Variants in SLC2A14 observed in about 807,000 individuals in gnomAD.
The protein encoded by SLC2A14 is solute carrier family 2 member 14, also known as solute carrier family 2, facilitated glucose transporter member 14.
A neutral mutation model predicts 43.0 loss-of-function variants in SLC2A14; 13 were observed. The observed-to-expected ratio is 0.30, with a 90% confidence interval of 0.20 to 0.48. The LOEUF is 0.48. Ranked by LOEUF, SLC2A14 falls within the 20% of genes least tolerant of loss-of-function variation. The pLI is 0.99. For synonymous variants in SLC2A14, 190 were observed against 233.8 expected (o/e 0.81, Z 1.71); for missense variants, 428 against 620.4 (o/e 0.69, Z 3.29).
At chr12:7,848,556 A>C (rs1866653462) in intron 2 of SLC2A14, among the ~76,000 whole-genome samples, 3 of 135,722 alleles carry the variant, frequency 2.2e-5, no homozygotes, top group East Asian at 2.1e-4. Context: ...TTCCAATTCC[A>C]TTTTTTTTTT....
chr12:7,842,546 T>C (rs1403247163), intron 2 of SLC2A14, among the ~76,000 whole-genome samples: 1 of 152,146 alleles, frequency 6.6e-6, no homozygotes, highest in East Asian at 1.9e-4. Flanking sequence ...GACAGTTCTT[T>C]GAGTTCCTTA....
upstream of SLC2A14, chr12:7,873,168 C>T (rs1945335630): frequency 2.0e-6 from 2 of 985,750 alleles, no homozygotes; most frequent in Non-Finnish European, 2.4e-6. Flanking sequence ...GGCGGGGGAA[C>T]TCTTTACGGG....
At chr12:7,852,253 A>G (rs113059747) in intron 2 of SLC2A14, among the ~76,000 whole-genome samples, 2 of 152,190 alleles carry the variant, frequency 1.3e-5, no homozygotes, top group African/African-American at 4.8e-5. Flanking sequence ...ATTTTTCTTT[A>G]AATAACAGTA....
chr12:7,888,838 T>C (rs1016728415), intron 1 of SLC2A14, among the ~76,000 whole-genome samples: 4 of 147,498 alleles, frequency 2.7e-5, no homozygotes, highest in Admixed American at 6.8e-5. Flanking sequence ...ATCAGGAGAA[T>C]ATAGACTAAT....
At chr12:7,837,035 C>A (rs1865516763) in intron 2 of SLC2A14, among the ~76,000 whole-genome samples, 2 of 151,590 alleles carry the variant, frequency 1.3e-5, no homozygotes. Context: ...AGCATGGTGG[C>A]ACATGCCTGT....
At chr12:7,871,087 C>T in intron 1 of SLC2A14, 4 of 1,368,570 alleles carry the variant, frequency 2.9e-6, no homozygotes, top group Non-Finnish European at 3.9e-6. Context: ...GAGCGAGGCC[C>T]CAGGGCCCAT....
At chr12:7,869,093 G>A (rs894081051) in intron 2 of SLC2A14, among the ~76,000 whole-genome samples, 3 of 150,106 alleles carry the variant, frequency 2.0e-5, no homozygotes, top group South Asian at 2.1e-4. Flanking sequence ...GCGGTGAGCC[G>A]AGATCACACC....
intron 2 of SLC2A14, among the ~76,000 whole-genome samples, chr12:7,865,764 A>G (rs981617248): frequency 3.9e-5 from 6 of 152,120 alleles, no homozygotes; most frequent in African/African-American, 1.4e-4. Context: ...CTCACTTTAA[A>G]TCAAAAGCTA....
chr12:7,881,289 G>A (rs1216557994), intron 1 of SLC2A14, among the ~76,000 whole-genome samples: 2 of 152,070 alleles, frequency 1.3e-5, no homozygotes, highest in East Asian at 1.9e-4. Context: ...GGAGAGGCGC[G>A]GGCGGGAACC....
intron 2 of SLC2A14, among the ~76,000 whole-genome samples, chr12:7,837,601 G>A (rs1304938098): frequency 7.3e-5 from 8 of 109,814 alleles, no homozygotes; most frequent in African/African-American, 2.8e-4. Flanking sequence ...TTGCACCATT[G>A]CACTCCAACT....
chr12:7,854,659 A>G (rs527620518), intron 2 of SLC2A14, among the ~76,000 whole-genome samples: 2 of 150,164 alleles, frequency 1.3e-5, no homozygotes, highest in African/African-American at 4.9e-5. Flanking sequence ...CTGGGATTAC[A>G]GGCATGTACC....
At chr12:7,881,720 G>A (rs1200518167) in intron 1 of SLC2A14, among the ~76,000 whole-genome samples, 2 of 152,160 alleles carry the variant, frequency 1.3e-5, no homozygotes, top group Non-Finnish European at 2.9e-5. Flanking sequence ...GATCCACTGT[G>A]TGAAGCCAGC....
rs781130646 is a variant in SLC2A14, at chr12:7,860,981, G to A, written c.18+8882C>T. Among the ~76,000 whole-genome samples the A allele has an allele frequency of 7.4e-4, 113 of 152,066 alleles. 1 individual carries two copies. The highest frequency in any genetic ancestry group is 7.7e-4 in the East Asian group (4 of 5,180). ...CTAATTTTTTATTTTTAGTAGAGAC[G>A]GGGTTTCTCCATGTTGGTCGGGCTG... is the stretch of plus-strand genomic sequence containing the variant. On this transcript the variant is annotated intron_variant, in intron 2 of 10. Coordinates refer to ENST00000431042, the MANE Select transcript of SLC2A14 (RefSeq NM_001286234.2).
intron 2 of SLC2A14, among the ~76,000 whole-genome samples, chr12:7,844,791 C>T (rs1866321903): frequency 1.3e-5 from 2 of 152,126 alleles, no homozygotes; most frequent in African/African-American, 4.8e-5. Context: ...CCGCCTTGGC[C>T]TCCCAAAGTG....
intron 2 of SLC2A14, among the ~76,000 whole-genome samples, chr12:7,865,245 T>C (rs12321127): frequency 0.28 from 42,978 of 152,046 alleles, 6,632 homozygotes; most frequent in Middle Eastern, 0.37. Context: ...TATACAAAAA[T>C]TAGCCAGGCA....
intron 1 of SLC2A14, among the ~76,000 whole-genome samples, chr12:7,885,792 C>CGTG (rs974725249): frequency 6.6e-6 from 1 of 151,782 alleles, no homozygotes; most frequent in Non-Finnish European, 1.5e-5. Context: ...TGATGCTCAT[C>CGTG]GTGGAAAAAG....
intron 5 of SLC2A14, among the ~76,000 whole-genome samples, chr12:7,829,490 G>A (rs1198034142): frequency 6.6e-6 from 1 of 151,582 alleles, no homozygotes; most frequent in Non-Finnish European, 1.5e-5. Context: ...AACCCAGGAG[G>A]CAGAGGTTGG....
chr12:7,873,102 C>T (rs10772820), upstream of SLC2A14: 864,009 of 985,798 alleles, frequency 0.88, 379,338 homozygotes, highest in South Asian at 0.96. Flanking sequence ...ACGGTCCAGC[C>T]CCGGCGGCTG....
At chr12:7,850,857 C>T (rs1047246850) in intron 2 of SLC2A14, 4 of 152,182 alleles carry the variant, frequency 2.6e-5, no homozygotes, top group African/African-American at 9.7e-5. Context: ...TCTGTCACAG[C>T]ACCTACATAC....
Sources: gnomAD v4.1 joint callset for allele counts (sites outside exome capture counted in the v4.1 genomes callset) on GRCh38, gnomAD v4.1.1 for gene constraint, MANE v1.5 for transcripts, NCBI Gene and HGNC (gene_info 2026-07-23, HGNC 2026-07-21) for gene names.